Variants in HHAT observed in about 807,000 individuals in gnomAD.
The protein encoded by HHAT is protein-cysteine N-palmitoyltransferase HHAT.
A neutral mutation model predicts 70.8 loss-of-function variants in HHAT; 47 were observed. The ratio of observed to expected loss-of-function variants is 0.66; its 90% CI spans 0.53 to 0.85. HHAT has a LOEUF of 0.85. HHAT is among the 40% of genes least tolerant of loss of function. HHAT has a pLI of 0.00. For missense variants in HHAT, 609 were observed against 604.8 expected (o/e 1.01, Z -0.07); for synonymous variants, 228 against 247.6 (o/e 0.92, Z 0.74).
intron 4 of HHAT, among the ~76,000 whole-genome samples, chr1:210,390,115 A>C (rs145932610): frequency 8.9e-4 from 135 of 152,342 alleles, no homozygotes; most frequent in African/African-American, 3.1e-3. Flanking sequence ...CAGTCATTGC[A>C]ATCAACATAA....
At chr1:210,468,759 G>A (rs2094150032) in intron 8 of HHAT, among the ~76,000 whole-genome samples, 1 of 152,100 alleles carries the variant, frequency 6.6e-6, no homozygotes, top group African/African-American at 2.4e-5. Context: ...TCCTGGAGTT[G>A]GTGAAGTATA....
chr1:210,548,190 GGAAAGCA>G (rs1434109741), intron 9 of HHAT, among the ~76,000 whole-genome samples: 2 of 152,150 alleles, frequency 1.3e-5, no homozygotes, highest in Admixed American at 6.5e-5. Context: ...GGAAAATTGG[GGAAAGCA>G]CCGAAGAACA....
chr1:210,395,315 CAGAT>C (rs1158950681), intron 4 of HHAT, among the ~76,000 whole-genome samples: 2 of 152,178 alleles, frequency 1.3e-5, no homozygotes, highest in Admixed American at 6.5e-5. Context: ...GAAGTAGAAA[CAGAT>C]GGTGTGAGAA....
chr1:210,513,230 G>A (rs372476223), intron 9 of HHAT, 42 bp downstream of exon 9: 122 of 939,604 alleles, frequency 1.3e-4, no homozygotes, highest in Non-Finnish European at 1.9e-4. Context: ...TGAATAACAT[G>A]TCTATTATGA....
At chr1:210,420,757 C>G (rs2092878522) in intron 7 of HHAT, among the ~76,000 whole-genome samples, 1 of 151,696 alleles carries the variant, frequency 6.6e-6, no homozygotes, top group Non-Finnish European at 1.5e-5. Context: ...TGTAAACTCT[C>G]ACAAAGCCAT....
intron 7 of HHAT, among the ~76,000 whole-genome samples, chr1:210,433,269 T>G (rs10863829): frequency 0.43 from 65,625 of 151,392 alleles, 14,677 homozygotes; most frequent in Admixed American, 0.53. Context: ...AGTACTTCAC[T>G]TGCAGGTTCA....
At chr1:210,635,180 T>TA (rs11388701) in intron 11 of HHAT, among the ~76,000 whole-genome samples, 77,998 of 151,878 alleles carry the variant, frequency 0.51, 20,385 homozygotes, top group Non-Finnish European at 0.56. Context: ...GATGAGTAAG[T>TA]CCAGACTCGG....
At chr1:210,362,816 A>G in intron 2 of HHAT, 36 bp from the exon 3 acceptor site, 1 of 1,584,204 alleles carries the variant, frequency 6.3e-7, no homozygotes, top group Non-Finnish European at 8.7e-7. Flanking sequence ...TTTTGTTTAG[A>G]TTTGTGACTA....
intron 11 of HHAT, among the ~76,000 whole-genome samples, chr1:210,672,119 C>T (rs1025982115): frequency 6.6e-6 from 1 of 152,150 alleles, no homozygotes; most frequent in African/African-American, 2.4e-5. Context: ...TGCTGTATCC[C>T]TAGTTTTTCA....
chr1:210,518,948 G>A (rs1349688464), intron 9 of HHAT, among the ~76,000 whole-genome samples: 3 of 152,244 alleles, frequency 2.0e-5, no homozygotes, highest in African/African-American at 7.2e-5. Context: ...ATTGGCACTA[G>A]AGAGGCTTTT....
chr1:210,653,562 A>G (rs1001947332), intron 11 of HHAT, among the ~76,000 whole-genome samples: 1 of 152,024 alleles, frequency 6.6e-6, no homozygotes, highest in Non-Finnish European at 1.5e-5. Flanking sequence ...ATACCATTTA[A>G]TGTGTATGTT....
At position 210,563,563 on chromosome 1, in the gene HHAT, G is replaced by A. The variant is rs531901640; in HGVS notation, c.1044-24335G>A. Among the ~76,000 whole-genome samples, 12 of 152,240 alleles carry A rather than the reference G, an allele frequency of 7.9e-5. No homozygotes were observed. The South Asian group carries it at 2.3e-3, about 29-fold the overall frequency. ...AGGGCACTCTTGCACAGTGATTCCT[G>A]GAGGCTGATCATGGGAGAGCAGGGA... On this transcript the variant is annotated intron_variant, in intron 9 of 11. Coordinates refer to ENST00000261458, the MANE Select transcript of HHAT (RefSeq NM_018194.6).
chr1:210,655,504 GA>G (rs1676197311), intron 11 of HHAT, among the ~76,000 whole-genome samples: 1 of 152,166 alleles, frequency 6.6e-6, no homozygotes, highest in African/African-American at 2.4e-5. Context: ...GCTGCTGTGA[GA>G]GGAACTCTTG....
intron 3 of HHAT, among the ~76,000 whole-genome samples, chr1:210,378,647 A>T (rs2090408120): frequency 6.6e-6 from 1 of 152,046 alleles, no homozygotes; most frequent in South Asian, 2.1e-4. Flanking sequence ...TGGGATATCC[A>T]TCACCTGAAA....
chr1:210,629,529 G>T (rs1052184289), intron 11 of HHAT, among the ~76,000 whole-genome samples: 5 of 152,230 alleles, frequency 3.3e-5, no homozygotes, highest in Non-Finnish European at 5.9e-5. Flanking sequence ...TTACAAACTT[G>T]TTGGCTTAAA....
At chr1:210,671,913 G>A (rs1262623092) in intron 11 of HHAT, among the ~76,000 whole-genome samples, 1 of 152,180 alleles carries the variant, frequency 6.6e-6, no homozygotes, top group Non-Finnish European at 1.5e-5. Flanking sequence ...GGAGAACACT[G>A]TGGAAAGCCA....
At chr1:210,561,204 A>T (rs1234160988) in intron 9 of HHAT, among the ~76,000 whole-genome samples, 1 of 152,150 alleles carries the variant, frequency 6.6e-6, no homozygotes, top group Non-Finnish European at 1.5e-5. Flanking sequence ...ACTTGTTTGG[A>T]CAGAGGGAAG....
chr1:210,515,775 AAAG>A (rs1455748726), intron 9 of HHAT, among the ~76,000 whole-genome samples: 18 of 146,866 alleles, frequency 1.2e-4, no homozygotes, highest in African/African-American at 4.3e-4. Flanking sequence ...AAAAAAAAAA[AAAG>A]TATTTTCAGC....
chr1:210,351,366 C>T (rs1265140689), intron 2 of HHAT, among the ~76,000 whole-genome samples: 1 of 152,242 alleles, frequency 6.6e-6, no homozygotes, highest in Non-Finnish European at 1.5e-5. Flanking sequence ...GAAACACCCT[C>T]ACAGACACCT....
Sources: allele counts gnomAD v4.1 joint callset (sites outside exome capture counted in the v4.1 genomes callset), GRCh38; gene constraint gnomAD v4.1.1; transcripts MANE v1.5; gene names NCBI Gene and HGNC (gene_info 2026-07-23, HGNC 2026-07-21).